Variants in CDH10 observed in about 807,000 individuals in gnomAD.
The protein encoded by CDH10 is cadherin 10, also known as cadherin-10.
In CDH10, 30 loss-of-function variants were observed where a neutral mutation model predicts 73.1. The observed-to-expected ratio is 0.41, with a 90% confidence interval of 0.31 to 0.56. CDH10 has a LOEUF of 0.56. Among genes scored for constraint, CDH10 ranks in the 20% least tolerant of loss-of-function variants. The pLI, the probability that CDH10 is intolerant of heterozygous loss-of-function variation, is 0.27. For synonymous variants in CDH10, 345 were observed against 348.2 expected (o/e 0.99, Z 0.10); for missense variants, 815 against 973.7 (o/e 0.84, Z 2.17).
intron 1 of CDH10, among the ~76,000 whole-genome samples, chr5:24,630,445 T>A (rs1393415020): frequency 1.3e-5 from 2 of 151,112 alleles, no homozygotes; most frequent in Non-Finnish European, 2.9e-5. Flanking sequence ...CCCAGCTATG[T>A]GAGAGGTTGA....
chr5:24,524,329 C>G (rs2111829447), intron 5 of CDH10, among the ~76,000 whole-genome samples: 1 of 152,124 alleles, frequency 6.6e-6, no homozygotes, highest in East Asian at 1.9e-4. Flanking sequence ...ACTGAAATTA[C>G]TAATTGAGAA....
chr5:24,529,055 TGAG>T (rs1743633410), intron 5 of CDH10, among the ~76,000 whole-genome samples: 1 of 152,028 alleles, frequency 6.6e-6, no homozygotes, highest in Non-Finnish European at 1.5e-5. Context: ...ATGTAAAGAT[TGAG>T]TTTATATTTG....
chr5:24,581,871 T>A (rs1161224397), intron 2 of CDH10, among the ~76,000 whole-genome samples: 1 of 152,116 alleles, frequency 6.6e-6, no homozygotes, highest in African/African-American at 2.4e-5. Flanking sequence ...AACGTTTTGA[T>A]CTAAAAAAAC....
At chr5:24,582,539 T>C (rs888405250) in intron 2 of CDH10, among the ~76,000 whole-genome samples, 1 of 152,156 alleles carries the variant, frequency 6.6e-6, no homozygotes, top group Non-Finnish European at 1.5e-5. Flanking sequence ...AAATTTTCCA[T>C]TTCCTGGCCT....
intron 2 of CDH10, among the ~76,000 whole-genome samples, chr5:24,565,467 A>G (rs1745134199): frequency 6.6e-6 from 1 of 152,188 alleles, no homozygotes; most frequent in African/African-American, 2.4e-5. Flanking sequence ...TCTCTACACT[A>G]AAATCTGTAC....
intron 2 of CDH10, among the ~76,000 whole-genome samples, chr5:24,548,001 G>A (rs1196644567): frequency 4.6e-5 from 7 of 152,186 alleles, no homozygotes; most frequent in Non-Finnish European, 4.4e-5. Context: ...GCAATTGTCA[G>A]GGTTGGCAAG....
At chr5:24,497,631 G>A (rs958617994) in intron 9 of CDH10, among the ~76,000 whole-genome samples, 2 of 152,098 alleles carry the variant, frequency 1.3e-5, no homozygotes, top group Non-Finnish European at 2.9e-5. Context: ...ATCAAATAAT[G>A]TCAAAACATA....
intron 2 of CDH10, among the ~76,000 whole-genome samples, chr5:24,573,435 C>T (rs1745471587): frequency 6.6e-6 from 1 of 151,998 alleles, no homozygotes; most frequent in South Asian, 2.1e-4. Context: ...GGCGCGGTGG[C>T]TCACGTCTGT....
At chr5:24,612,818 G>T (rs534981721) in intron 1 of CDH10, 311 of 152,246 alleles carry the variant, frequency 2.0e-3, no homozygotes, top group African/African-American at 7.1e-3. Context: ...TGGAACTTTT[G>T]AAATGTAAGG....
chr5:24,636,134 C>T (rs938602884), intron 1 of CDH10, among the ~76,000 whole-genome samples: 1 of 151,812 alleles, frequency 6.6e-6, no homozygotes, highest in African/African-American at 2.4e-5. Context: ...ACTAGAACAC[C>T]TATTGTGTAT....
At chr5:24,488,234 A>C in intron 11 of CDH10, 81 bp from the exon 12 acceptor site, 1 of 1,185,352 alleles carries the variant, frequency 8.4e-7, no homozygotes, top group Non-Finnish European at 1.2e-6. Flanking sequence ...AAAAGAGTTT[A>C]AGTTACTCAG....
chr5:24,523,591 A>G (rs1165325665), intron 5 of CDH10, among the ~76,000 whole-genome samples: 1 of 152,082 alleles, frequency 6.6e-6, no homozygotes, highest in Admixed American at 6.6e-5. Flanking sequence ...CAAACATTTT[A>G]TTTTTAGTTT....
chr5:24,493,424 T>A (rs1356653074), intron 9 of CDH10, among the ~76,000 whole-genome samples: 1 of 151,934 alleles, frequency 6.6e-6, no homozygotes, highest in East Asian at 1.9e-4. Context: ...TAACTTACAC[T>A]TTCAATAAAA....
chr5:24,555,420 T>C (rs1176370405), intron 2 of CDH10, among the ~76,000 whole-genome samples: 1 of 152,102 alleles, frequency 6.6e-6, no homozygotes, highest in African/African-American at 2.4e-5. Context: ...CACACTTCCA[T>C]AGATGTGGCC....
Position 24,603,292 on chromosome 5 carries a change from T to C in CDH10, c.-123-9679A>G, listed in dbSNP as rs187116257. Among the ~76,000 whole-genome samples the C allele has an allele frequency of 3.9e-5, 6 of 152,292 alleles. No individual in the cohort carries two copies. The South Asian group carries it at 6.2e-4, about 16-fold the overall frequency. ...CCAAACAGGTACTATATATGTAGAA[T>C]ATAAAGAATAAAAAACACTTCCCAA... On this transcript the variant is annotated intron_variant, in intron 1 of 11. Transcript: ENST00000264463.
chr5:24,602,450 G>C (rs998962879), intron 1 of CDH10, among the ~76,000 whole-genome samples: 1 of 152,100 alleles, frequency 6.6e-6, no homozygotes, highest in Non-Finnish European at 1.5e-5. Flanking sequence ...AGCATTTCCT[G>C]TCTTCCTTGG....
intron 2 of CDH10, among the ~76,000 whole-genome samples, chr5:24,542,007 ATGAT>A (rs1744173132): frequency 1.3e-5 from 2 of 152,168 alleles, no homozygotes; most frequent in Admixed American, 1.3e-4. Context: ...TTACAACTAA[ATGAT>A]AGATTGAATT....
At chr5:24,632,912 G>T (rs199775415) in intron 1 of CDH10, among the ~76,000 whole-genome samples, 4 of 151,776 alleles carry the variant, frequency 2.6e-5, no homozygotes, top group Non-Finnish European at 5.9e-5. Context: ...TGATGATAAT[G>T]ATGATGAGGA....
At chr5:24,570,662 G>A (rs201767617) in intron 2 of CDH10, among the ~76,000 whole-genome samples, 5 of 117,000 alleles carry the variant, frequency 4.3e-5, no homozygotes, top group African/African-American at 1.0e-4. Context: ...ATATATATAT[G>A]TGTATATATA....
Sources: gnomAD v4.1 joint callset for allele counts (sites outside exome capture counted in the v4.1 genomes callset) on GRCh38, gnomAD v4.1.1 for gene constraint, MANE v1.5 for transcripts, NCBI Gene and HGNC (gene_info 2026-07-23, HGNC 2026-07-21) for gene names.